The following GALNT14 variants were observed in gnomAD, a reference collection of about 807,000 sequenced individuals.
The protein encoded by GALNT14 is polypeptide N-acetylgalactosaminyltransferase 14.
Under a neutral mutation model 77.5 loss-of-function variants are expected in GALNT14, and 60 were observed. The observed-to-expected ratio is 0.77, with a 90% CI of 0.63 to 0.96. The LOEUF is 0.96. Ranked by LOEUF, GALNT14 falls within the 40% of genes least tolerant of loss-of-function variation. The pLI, the probability that GALNT14 is intolerant of heterozygous loss-of-function variation, is 0.00. For missense variants in GALNT14, 710 were observed against 731.0 expected, an observed-to-expected ratio of 0.97 and a Z score of 0.33; for synonymous variants, 280 against 281.7, an observed-to-expected ratio of 0.99 and a Z score of 0.06.
chr2:30,890,671 T>C, the GALNT14 span, among the ~76,000 whole-genome samples: 1 of 152,184 alleles, frequency 6.6e-6, no homozygotes, highest in Non-Finnish European at 1.5e-5. Context: ...CCAGCTGAAA[T>C]CCTATTTCAG....
chr2:31,067,093 T>C (rs1468460156), intron 1 of GALNT14, among the ~76,000 whole-genome samples: 3 of 152,086 alleles, frequency 2.0e-5, no homozygotes, highest in African/African-American at 7.2e-5. Context: ...TCAGTGACCA[T>C]AGTATCTGCC....
chr2:31,028,559 TC>T (rs1672218973), intron 1 of GALNT14, among the ~76,000 whole-genome samples: 3 of 152,344 alleles, frequency 2.0e-5, no homozygotes, highest in Admixed American at 2.0e-4. Flanking sequence ...CATGGGGTGC[TC>T]CCACACATAA....
chr2:31,058,165 T>C (rs1217830470), intron 1 of GALNT14, among the ~76,000 whole-genome samples: 1 of 152,226 alleles, frequency 6.6e-6, no homozygotes, highest in Non-Finnish European at 1.5e-5. Context: ...TCACACCCAC[T>C]GCCTGCAACA....
Position 31,137,986 on chromosome 2 carries a change from G to T in GALNT14, c.101C>A (p.Pro34Gln). ...FWVTKRKLEV[P>Q]TGPEVQTPKP... Reference sequence around the variant, plus strand: ...AGGGGTCTGCACTTCAGGTCCCGTCGGCACCTCCAACTTCCTCTTGGTTAC... The same window carrying T: ...AGGGGTCTGCACTTCAGGTCCCGTCTGCACCTCCAACTTCCTCTTGGTTAC... Residue 34 changes from proline to glutamine, a missense_variant, in exon 1 of 15, where the codon CCG becomes CAG. Transcript: ENST00000349752. 1 of 1,613,628 alleles carries T rather than the reference G, an allele frequency of 6.2e-7. No individual in the cohort carries two copies. Among genetic ancestry groups the T allele is most frequent in the South Asian group, 1.1e-5 (1 of 91,050 alleles).
chr2:31,082,079 T>A (rs984847534), intron 1 of GALNT14, among the ~76,000 whole-genome samples: 5 of 152,058 alleles, frequency 3.3e-5, no homozygotes, highest in African/African-American at 7.3e-5. Flanking sequence ...TTGCAAATAA[T>A]CCCAGTAAGG....
chr2:31,046,743 C>T (rs1161632777), intron 1 of GALNT14, among the ~76,000 whole-genome samples: 2 of 152,060 alleles, frequency 1.3e-5, no homozygotes, highest in African/African-American at 2.4e-5. Context: ...TATCAGGAAC[C>T]TACAGTATTT....
chr2:31,024,022 C>T (rs982904297), intron 1 of GALNT14, among the ~76,000 whole-genome samples: 1 of 152,106 alleles, frequency 6.6e-6, no homozygotes, highest in South Asian at 2.1e-4. Context: ...CTTGGTTTCC[C>T]TCTGGACCTG....
At chr2:31,078,180 G>A (rs1039043311) in intron 1 of GALNT14, among the ~76,000 whole-genome samples, 2 of 152,198 alleles carry the variant, frequency 1.3e-5, no homozygotes, top group African/African-American at 4.8e-5. Context: ...GACCAATTAT[G>A]TTCATTAGTC....
chr2:31,095,578 T>C (rs1374403262), intron 1 of GALNT14, among the ~76,000 whole-genome samples: 4 of 152,056 alleles, frequency 2.6e-5, no homozygotes, highest in African/African-American at 4.8e-5. Context: ...AAAAGAAATT[T>C]TGAAGCTTTT....
chr2:30,910,739 C>T lies in GALNT14; in HGVS notation c.*162G>A. The T allele has an allele frequency of 1.5e-6, 1 of 668,078 alleles. No individual in the cohort carries two copies. The highest frequency in any genetic ancestry group is 2.5e-6 in the Non-Finnish European group (1 of 406,284). 41.4% of individuals were successfully genotyped at this position (668,078 alleles called of 1,614,324 possible). A position where few individuals can be genotyped will look rare whatever the true frequency, so the allele number is the denominator to read the frequency against. ...CCCCATTGGCTTGTGATGTTTTCCTCTGTCCTCCCTGAGACAGTTGCTCCT... is the reference window on the plus strand; with the variant it reads ...CCCCATTGGCTTGTGATGTTTTCCTTTGTCCTCCCTGAGACAGTTGCTCCT... On this transcript the variant is annotated 3_prime_UTR_variant, in exon 15 of 15. Coordinates refer to ENST00000349752, the MANE Select transcript of GALNT14 (RefSeq NM_024572.4).
intron 6 of GALNT14, among the ~76,000 whole-genome samples, chr2:30,946,399 G>A (rs1305830948): frequency 6.6e-6 from 1 of 152,140 alleles, no homozygotes; most frequent in Non-Finnish European, 1.5e-5. Context: ...GTGCTGTTCT[G>A]GTGATAGCGA....
chr2:30,917,646 G>C (rs1200336300), intron 13 of GALNT14, among the ~76,000 whole-genome samples: 1 of 152,220 alleles, frequency 6.6e-6, no homozygotes, highest in Non-Finnish European at 1.5e-5. Context: ...GGCCAGGCCT[G>C]GTGCTAGTTG....
In GALNT14 at chr2:30,923,149, G is replaced by A. The variant is rs1399024329; in HGVS notation, c.1380+970C>T. On this transcript the variant is annotated intron_variant, in intron 13 of 14. Coordinates refer to ENST00000349752, the MANE Select transcript of GALNT14 (RefSeq NM_024572.4). ...GTGATCTCGGCTCACTGCAACCTCC[G>A]CCTCCAGGGTTCAAGCGATTCTCCT... Among the ~76,000 whole-genome samples the A allele has an allele frequency of 4.5e-5, 6 of 134,430 alleles. No individual in the cohort carries two copies. The South Asian group carries it at 1.2e-3, about 28-fold the overall frequency. 88.2% of individuals were successfully genotyped at this position (134,430 alleles called of 152,430 possible). A position where few individuals can be genotyped will look rare whatever the true frequency, so the allele number is the denominator to read the frequency against.
At chr2:30,895,954 G>T in the GALNT14 span, among the ~76,000 whole-genome samples, 6 of 152,150 alleles carry the variant, frequency 3.9e-5, no homozygotes, top group Non-Finnish European at 8.8e-5. Context: ...CACGTCAATT[G>T]GGAGGCATGG....
intron 1 of GALNT14, among the ~76,000 whole-genome samples, chr2:31,133,361 CT>C (rs908523628): frequency 2.6e-5 from 4 of 152,150 alleles, no homozygotes; most frequent in East Asian, 1.9e-4. Flanking sequence ...AAATTTATGA[CT>C]TTTTTTAATG....
intron 2 of GALNT14, 147 bp from the exon 3 acceptor site, chr2:30,966,449 A>C: frequency 1.7e-6 from 1 of 598,840 alleles, no homozygotes; most frequent in Non-Finnish European, 3.0e-6. Flanking sequence ...ACTAGGTAAG[A>C]CCCCACGGCT....
chr2:30,971,951 G>C (rs1196359120), intron 2 of GALNT14, among the ~76,000 whole-genome samples: 1 of 152,208 alleles, frequency 6.6e-6, no homozygotes, highest in East Asian at 1.9e-4. Context: ...TCATCAATGA[G>C]CAGTCAGGGC....
At chr2:30,920,575 C>T (rs539408195) in intron 13 of GALNT14, among the ~76,000 whole-genome samples, 4 of 151,192 alleles carry the variant, frequency 2.6e-5, no homozygotes, top group South Asian at 2.1e-4. Context: ...GAAGGAGGAG[C>T]GGACACTGAA....
intron 3 of GALNT14, among the ~76,000 whole-genome samples, chr2:30,965,533 T>A (rs993269427): frequency 3.3e-5 from 5 of 151,986 alleles, no homozygotes; most frequent in African/African-American, 4.8e-5. Flanking sequence ...GCCTTCTGGG[T>A]GCAGGTCTAT....
Sources: gnomAD v4.1 joint callset for allele counts (sites outside exome capture counted in the v4.1 genomes callset) on GRCh38, gnomAD v4.1.1 for gene constraint, MANE v1.5 for transcripts, NCBI Gene and HGNC (gene_info 2026-07-23, HGNC 2026-07-21) for gene names.